Variants in RYR3 observed in about 807,000 individuals in gnomAD.
The protein encoded by RYR3 is brain ryanodine receptor-calcium release channel.
RYR3 carries 207 observed loss-of-function variants against 584.3 expected under a neutral mutation model. The ratio of observed to expected loss-of-function variants is 0.35; its 90% CI spans 0.32 to 0.40. RYR3 has a LOEUF of 0.40. Ranked by LOEUF, RYR3 falls within the 10% of genes least tolerant of loss-of-function variation. RYR3 has a pLI of 1.00. For synonymous variants in RYR3, 2,416 were observed against 2,248.5 expected (o/e 1.07, Z -2.11); for missense variants, 5,616 against 6,089.2 (o/e 0.92, Z 2.59).
In RYR3 at chr15:33,825,785, T is replaced by C. The variant is rs191780247; in HGVS notation, c.11146+109T>C. 81 of 679,268 alleles carry C rather than the reference T, an allele frequency of 1.2e-4. 1 individual carries two copies. The East Asian group carries it at 2.2e-3, about 19-fold the overall frequency. 42.1% of individuals were successfully genotyped at this position (679,268 alleles called of 1,614,324 possible). A position where few individuals can be genotyped will look rare whatever the true frequency, so the allele number is the denominator to read the frequency against. On this transcript the variant is annotated intron_variant, in intron 82 of 103. Transcript: ENST00000634891. ...TTCGCTCTTGTTGCTCAGGCTGGAC[T>C]GCAGTGGCGCGATCTCACCTCACTG...
intron 1 of RYR3, among the ~76,000 whole-genome samples, chr15:33,355,499 G>T (rs1016194096): frequency 2.0e-5 from 3 of 152,176 alleles, no homozygotes; most frequent in Admixed American, 1.3e-4. Flanking sequence ...TAAGGTGTTT[G>T]TGAAAGCTGA....
rs528689034 is a variant in RYR3, at chr15:33,865,791, G to T, written c.*565G>T. On this transcript the variant is annotated 3_prime_UTR_variant, in exon 104 of 104. Coordinates refer to ENST00000634891, the MANE Select transcript of RYR3 (RefSeq NM_001036.6). ...GATTAAGTGCCTTAAAACCTCTTTAGACATAGCTATGCAAGTTTTTTATGT... is the reference window on the plus strand; with the variant it reads ...GATTAAGTGCCTTAAAACCTCTTTATACATAGCTATGCAAGTTTTTTATGT... The T allele has an allele frequency of 9.8e-5, 15 of 153,032 alleles. No homozygotes were observed. Among genetic ancestry groups the T allele is most frequent in the Admixed American group, 9.1e-4 (14 of 15,350 alleles). The allele number at this position is 153,032 out of a possible 1,614,324, so 9.5% of individuals were successfully genotyped here.
In RYR3 at chr15:33,311,285, C is replaced by A. The variant is rs529122672; in HGVS notation, c.51+189C>A. Among the ~76,000 whole-genome samples the A allele has an allele frequency of 3.3e-5, 5 of 152,272 alleles. No individual in the cohort carries two copies. The highest frequency in any genetic ancestry group is 1.2e-4 in the African/African-American group (5 of 41,576). ...CCGCGAGGGGCTGCGTGGGAAGGGG[C>A]ACCATCTCCTGCCTCTCCCTTGTTC... On this transcript the variant is annotated intron_variant, in intron 1 of 103. Transcript: ENST00000634891. This position sits in a 1 kb window ranked among gnomAD's most constrained non-coding sequence, Gnocchi z 4.4.
intron 1 of RYR3, among the ~76,000 whole-genome samples, chr15:33,379,662 TGTCC>T (rs1403641793): frequency 8.1e-6 from 1 of 123,854 alleles, no homozygotes; most frequent in African/African-American, 3.8e-5. Flanking sequence ...TGTGTGTGTG[TGTCC>T]CTCTCTCTCT....
At chr15:33,758,985 G>A (rs1205689426) in intron 60 of RYR3, among the ~76,000 whole-genome samples, 2 of 152,230 alleles carry the variant, frequency 1.3e-5, no homozygotes, top group Non-Finnish European at 2.9e-5. Flanking sequence ...GCCTCCGCTG[G>A]TGATACCCAG....
intron 94 of RYR3, chr15:33,850,601 T>A (rs2079035699): frequency 6.6e-6 from 1 of 151,474 alleles, no homozygotes; most frequent in Non-Finnish European, 1.5e-5. Context: ...TAGTACATGT[T>A]CATGTTTTGT....
At chr15:33,529,541 G>C (rs1209176287) in intron 3 of RYR3, among the ~76,000 whole-genome samples, 1 of 152,038 alleles carries the variant, frequency 6.6e-6, no homozygotes, top group Non-Finnish European at 1.5e-5. Context: ...CTGCATAAGA[G>C]GTGTCCTTGA....
chr15:33,711,411 C>T (rs1005752480), intron 43 of RYR3, among the ~76,000 whole-genome samples: 2 of 151,706 alleles, frequency 1.3e-5, no homozygotes, highest in African/African-American at 4.8e-5. Context: ...GCCTGGCTAA[C>T]TTTTTGTATT....
At chr15:33,621,696 A>G (rs2060733574) in intron 19 of RYR3, among the ~76,000 whole-genome samples, 1 of 152,304 alleles carries the variant, frequency 6.6e-6, no homozygotes, top group Non-Finnish European at 1.5e-5. Flanking sequence ...GATTTCTATA[A>G]TTAATTTTAA....
intron 1 of RYR3, among the ~76,000 whole-genome samples, chr15:33,404,589 GTT>G (rs57118667): frequency 5.5e-5 from 8 of 144,424 alleles, no homozygotes; most frequent in African/African-American, 1.5e-4. Flanking sequence ...ACTACTGTGT[GTT>G]TTTTTTTTTT....
intron 53 of RYR3, among the ~76,000 whole-genome samples, chr15:33,747,519 G>A (rs2070860440): frequency 6.8e-6 from 1 of 148,000 alleles, no homozygotes; most frequent in African/African-American, 2.5e-5. Flanking sequence ...TCATCTCCTG[G>A]CTTCAAGCAA....
chr15:33,629,372 G>A lies in RYR3; in HGVS notation c.2680-568G>A, dbSNP rs546717919. ...AATAGTCACCAGATTTTGAAGATTAGTGTGGGGGAAAAAGTAAAATATCTC... is the reference window on the plus strand; with the variant it reads ...AATAGTCACCAGATTTTGAAGATTAATGTGGGGGAAAAAGTAAAATATCTC... On this transcript the variant is annotated intron_variant, in intron 21 of 103. Coordinates refer to ENST00000634891, the MANE Select transcript of RYR3 (RefSeq NM_001036.6). Among the ~76,000 whole-genome samples, 4 of 152,348 alleles carry A rather than the reference G, an allele frequency of 2.6e-5. No individual in the cohort carries two copies. In the East Asian group the frequency reaches 5.8e-4, roughly 22 times the overall value.
chr15:33,364,273 T>A (rs920632781), intron 1 of RYR3, among the ~76,000 whole-genome samples: 1 of 152,194 alleles, frequency 6.6e-6, no homozygotes, highest in Non-Finnish European at 1.5e-5. Context: ...ACTAAACCAT[T>A]TCTCTCAGTG....
chr15:33,603,847 A>G (rs1259936367), intron 18 of RYR3, among the ~76,000 whole-genome samples: 1 of 152,254 alleles, frequency 6.6e-6, no homozygotes, highest in African/African-American at 2.4e-5. Context: ...AATCTTGTCA[A>G]CACAGCCTGT....
intron 12 of RYR3, among the ~76,000 whole-genome samples, chr15:33,572,109 C>T (rs1021171719): frequency 6.6e-6 from 1 of 152,044 alleles, no homozygotes; most frequent in Non-Finnish European, 1.5e-5. Context: ...ATAATATTGC[C>T]ACATATATTA....
chr15:33,527,855 G>A (rs536182532), intron 3 of RYR3, among the ~76,000 whole-genome samples: 106 of 152,294 alleles, frequency 7.0e-4, no homozygotes, highest in African/African-American at 2.4e-3. Context: ...GAAGGTCGGT[G>A]ATTAACAAAA....
At position 33,662,479 on chromosome 15, in the gene RYR3, A is replaced by G. The variant is rs757158294; in HGVS notation, c.4949A>G (p.His1650Arg). The part of the protein sequence containing the change: ...IRLFPDESKR[H>R]GLPGVGLRTC... ...CTCTTCCCGGACGAGTCCAAGAGGC[A>G]TGGACTGCCTGGGGTGGGCCTGAGA... The change falls in exon 35 of 104, where the codon CAT (histidine) becomes CGT (arginine). Residue 1650 changes from histidine (H) to arginine (R), a missense_variant. Around this residue, in one of 9 missense-constraint regions of RYR3, gnomAD observed 753 missense variants for 741.0 expected, o/e 1.02. Coordinates refer to ENST00000634891, the MANE Select transcript of RYR3 (RefSeq NM_001036.6). The G allele has an allele frequency of 1.3e-5, 21 of 1,613,866 alleles. No individual in the cohort carries two copies. The South Asian group carries it at 2.0e-4, about 15-fold the overall frequency.
chr15:33,618,703 G>A (rs1214851577), intron 19 of RYR3, among the ~76,000 whole-genome samples: 1 of 152,170 alleles, frequency 6.6e-6, no homozygotes, highest in Non-Finnish European at 1.5e-5. Flanking sequence ...TTCGATAGCA[G>A]ATAACAGTAA....
chr15:33,640,736 T>G (rs2061760298), intron 27 of RYR3, among the ~76,000 whole-genome samples: 1 of 152,204 alleles, frequency 6.6e-6, no homozygotes, highest in Non-Finnish European at 1.5e-5. Context: ...GCCATTTCCT[T>G]CCTGGGACAA....
Sources: allele counts gnomAD v4.1 joint callset (sites outside exome capture counted in the v4.1 genomes callset), GRCh38; gene constraint gnomAD v4.1.1; regional missense constraint gnomAD v4.1.1; non-coding constraint Gnocchi (gnomAD v3.1); transcripts MANE v1.5; gene names NCBI Gene and HGNC (gene_info 2026-07-23, HGNC 2026-07-21).